Variants in SATB1 observed in about 807,000 individuals in gnomAD.
The protein encoded by SATB1 is SATB homeobox 1, also known as DNA-binding protein SATB1.
A neutral mutation model predicts 86.9 loss-of-function variants in SATB1; 11 were observed. The observed-to-expected ratio is 0.13, with a 90% CI of 0.08 to 0.21. The LOEUF (loss-of-function observed/expected upper bound fraction) is 0.21, where lower values mean the gene tolerates loss of function less well. Among genes scored for constraint, SATB1 ranks in the 10% least tolerant of loss-of-function variants. The probability of loss-of-function intolerance (pLI) is 1.00; values close to 1 mark genes in which losing one functional copy is unlikely to be tolerated. For missense variants in SATB1, 551 were observed against 937.6 expected (o/e 0.59, Z 5.39); for synonymous variants, 357 against 357.2 (o/e 1.00, Z 0.01).
At chr3:18,351,845 C>G (rs1368410212) in intron 10 of SATB1, 147 bp downstream of exon 10, 1 of 696,896 alleles carries the variant, frequency 1.4e-6, no homozygotes, top group Non-Finnish European at 2.5e-6. Context: ...TTCATTTTAT[C>G]CCCCTGAGCA....
chr3:18,387,610 T>C (rs1015485390), intron 7 of SATB1, among the ~76,000 whole-genome samples: 1 of 152,358 alleles, frequency 6.6e-6, no homozygotes, highest in East Asian at 1.9e-4. Flanking sequence ...CTGTTCATTT[T>C]ATAAGGGCTA....
At chr3:18,426,294 T>C (rs955121558), upstream of SATB1, among the ~76,000 whole-genome samples, 2 of 152,232 alleles carry the variant, frequency 1.3e-5, no homozygotes, top group African/African-American at 2.4e-5. This position sits in a 1 kb window ranked among gnomAD's most constrained non-coding sequence, Gnocchi z 4.2. Context: ...TTCTGAGCCA[T>C]AGAATACTTT....
chr3:18,392,480 G>C (rs758261562), intron 7 of SATB1, among the ~76,000 whole-genome samples: 13 of 151,742 alleles, frequency 8.6e-5, no homozygotes, highest in Middle Eastern at 6.9e-3. Flanking sequence ...ACTATATAAA[G>C]GACACTTACT....
At chr3:18,432,183 G>T (rs1698909726) in intron 2 of SATB1, among the ~76,000 whole-genome samples, 1 of 152,066 alleles carries the variant, frequency 6.6e-6, no homozygotes, top group South Asian at 2.1e-4. Context: ...AAAGTATTTA[G>T]ACTGTCCATG....
intron 9 of SATB1, among the ~76,000 whole-genome samples, chr3:18,354,441 C>T (rs1360367184): frequency 6.6e-6 from 1 of 152,032 alleles, no homozygotes; most frequent in East Asian, 1.9e-4. Flanking sequence ...TTTTATATAC[C>T]TTTCAAAAGA....
chr3:18,352,317 C>T lies in SATB1; in HGVS notation c.1576-122G>A, dbSNP rs1694406139. On this transcript the variant is annotated intron_variant, in intron 9 of 10. Coordinates refer to ENST00000338745, the MANE Select transcript of SATB1 (RefSeq NM_002971.6). The surrounding 1 kb of genome is among the most constrained non-coding windows in gnomAD (Gnocchi z 4.1). ...TTTCATAAGCTCAGAACACACCATT[C>T]TGCTTTAAAAATTGTTTTTAACTTG... The T allele has an allele frequency of 1.3e-6, 1 of 779,626 alleles. No individual in the cohort carries two copies. The highest frequency in any genetic ancestry group is 2.1e-6 in the Non-Finnish European group (1 of 487,732). The allele number at this position is 779,626 out of a possible 1,614,324, so 48.3% of individuals were successfully genotyped here. A position where few individuals can be genotyped will look rare whatever the true frequency, so the allele number is the denominator to read the frequency against.
chr3:18,421,230 C>T (rs892674306), intron 1 of SATB1: 11 of 305,118 alleles, frequency 3.6e-5, no homozygotes, highest in African/African-American at 2.4e-4. Context: ...AAAAAGATAA[C>T]TGGCCTATAA....
chr3:18,436,387 G>C (rs1429975071), intron 2 of SATB1, among the ~76,000 whole-genome samples: 1 of 151,520 alleles, frequency 6.6e-6, no homozygotes, highest in African/African-American at 2.4e-5. Context: ...GGAGTGCTCT[G>C]TTTGACTCCG....
chr3:18,419,676 C>A (rs1299645648), intron 2 of SATB1, among the ~76,000 whole-genome samples: 1 of 152,164 alleles, frequency 6.6e-6, no homozygotes, highest in South Asian at 2.1e-4. Context: ...ATTTTTAATG[C>A]TCTTACCCTG....
intron 5 of SATB1, chr3:18,410,818 T>C (rs553315250): frequency 1.7e-5 from 6 of 348,482 alleles, no homozygotes; most frequent in Non-Finnish European, 3.1e-5. Context: ...AAAGTACAGT[T>C]TATTAAAAAC....
chr3:18,359,294 T>G (rs1694796961), intron 9 of SATB1, among the ~76,000 whole-genome samples: 1 of 151,926 alleles, frequency 6.6e-6, no homozygotes, highest in South Asian at 2.1e-4. Context: ...CAGATACAAA[T>G]GGTTCTGACT....
Position 18,349,587 on chromosome 3 carries a change from G to C in SATB1, c.1875C>G (p.Pro625=), listed in dbSNP as rs774743723. 3.1e-6 allele frequency: 5 copies of C among 1,613,556 alleles called. No individual in the cohort carries two copies. In the African/African-American group the frequency reaches 5.3e-5, roughly 17 times the overall value. ...GAGAGGCCACCGTGGGTTGCCGTGG[G>C]GGGAGCCGAGGGCCTGTCTGTGGCT... ...QQQPQTGPRL[P]PRQPTVASPA... is the part of the protein sequence containing the mutation. Residue 625 remains proline, a synonymous_variant, in exon 11 of 11, where the codon CCC becomes CCG. Transcript: ENST00000338745. The surrounding 1 kb of genome is among the most constrained non-coding windows in gnomAD (Gnocchi z 5.5).
At chr3:18,432,000 C>T (rs1698905383) in intron 2 of SATB1, among the ~76,000 whole-genome samples, 1 of 152,156 alleles carries the variant, frequency 6.6e-6, no homozygotes, top group African/African-American at 2.4e-5. Flanking sequence ...GTACAGTTCT[C>T]AAACCAGTCT....
chr3:18,371,028 A>G (rs1372426715), intron 9 of SATB1, among the ~76,000 whole-genome samples: 2 of 152,218 alleles, frequency 1.3e-5, no homozygotes, highest in South Asian at 4.1e-4. Flanking sequence ...AGGATCAGAC[A>G]CCTTATTATA....
intron 8 of SATB1, among the ~76,000 whole-genome samples, chr3:18,379,254 A>G (rs913274862): frequency 6.6e-6 from 1 of 152,210 alleles, no homozygotes; most frequent in Non-Finnish European, 1.5e-5. Context: ...TCATGTTTAA[A>G]ACTCCAAATT....
chr3:18,411,475 T>C (rs532933210), intron 5 of SATB1, among the ~76,000 whole-genome samples: 23 of 152,170 alleles, frequency 1.5e-4, no homozygotes, highest in South Asian at 1.2e-3. Flanking sequence ...ATTTATCTAG[T>C]TTTTAAATGC....
chr3:18,376,042 T>C (rs963089569), intron 9 of SATB1, among the ~76,000 whole-genome samples: 2 of 152,108 alleles, frequency 1.3e-5, no homozygotes, highest in Non-Finnish European at 2.9e-5. Flanking sequence ...ATTGCTGAAA[T>C]AGAGACCCAT....
At chr3:18,442,907 G>C (rs1699277368), upstream of SATB1, among the ~76,000 whole-genome samples, 3 of 152,278 alleles carry the variant, frequency 2.0e-5, no homozygotes, top group South Asian at 6.2e-4. Context: ...ATGTACTACT[G>C]TTCTAAGAAA....
intron 7 of SATB1, among the ~76,000 whole-genome samples, chr3:18,388,911 G>C (rs889989496): frequency 6.6e-6 from 1 of 152,048 alleles, no homozygotes; most frequent in Admixed American, 6.6e-5. Flanking sequence ...TCTATAGTGA[G>C]AAAGTCAAAT....
Sources: gnomAD v4.1 joint callset for allele counts (sites outside exome capture counted in the v4.1 genomes callset) on GRCh38, gnomAD v4.1.1 for gene constraint, Gnocchi (gnomAD v3.1) non-coding constraint, MANE v1.5 for transcripts, NCBI Gene and HGNC (gene_info 2026-07-23, HGNC 2026-07-21) for gene names.